The following RGS20 variants were observed in gnomAD, a reference collection of about 807,000 sequenced individuals.
The protein encoded by RGS20 is regulator of G protein signaling 20.
Under a neutral mutation model 33.6 loss-of-function variants are expected in RGS20, and 30 were observed. That is an observed-to-expected ratio of 0.89 (90% CI 0.67 to 1.21). RGS20 has a LOEUF of 1.21. Ranked by LOEUF, RGS20 falls within the 50% of genes most tolerant of loss-of-function variation. RGS20 has a pLI of 0.00. For synonymous variants in RGS20, 208 were observed against 197.9 expected, an observed-to-expected ratio of 1.05 and a Z score of -0.43; for missense variants, 472 against 502.4, an observed-to-expected ratio of 0.94 and a Z score of 0.58.
intron 2 of RGS20, among the ~76,000 whole-genome samples, chr8:53,924,018 T>C (rs1390202264): frequency 6.6e-6 from 1 of 152,010 alleles, no homozygotes; most frequent in Non-Finnish European, 1.5e-5. Context: ...AATTTTAGTT[T>C]GCAAATACTT....
At chr8:53,898,345 A>G (rs1223035525) in intron 2 of RGS20, among the ~76,000 whole-genome samples, 1 of 152,212 alleles carries the variant, frequency 6.6e-6, no homozygotes, top group African/African-American at 2.4e-5. Flanking sequence ...TGTGGCCATT[A>G]GGGAGCACAG....
At chr8:53,869,438 G>A (rs1812004587) in intron 1 of RGS20, among the ~76,000 whole-genome samples, 1 of 152,170 alleles carries the variant, frequency 6.6e-6, no homozygotes, top group South Asian at 2.1e-4. Flanking sequence ...CATTTTGATA[G>A]GCTGAGGTGA....
intron 1 of RGS20, among the ~76,000 whole-genome samples, chr8:53,869,504 T>C (rs1292549157): frequency 3.3e-5 from 5 of 152,000 alleles, no homozygotes; most frequent in Non-Finnish European, 7.4e-5. Flanking sequence ...GGTGAAACCC[T>C]GTCTCTACTA....
At chr8:53,913,554 T>C (rs1314091053) in intron 2 of RGS20, 1 of 152,186 alleles carries the variant, frequency 6.6e-6, no homozygotes, top group East Asian at 1.9e-4. Context: ...CCAAACTGGA[T>C]GAAGGCGGGC....
chr8:53,888,988 G>A (rs946235342), intron 2 of RGS20, among the ~76,000 whole-genome samples: 11 of 152,178 alleles, frequency 7.2e-5, no homozygotes, highest in Admixed American at 6.5e-4. Flanking sequence ...CCAGTGTGGA[G>A]CTATTATGAA....
intron 2 of RGS20, chr8:53,914,003 T>C (rs1290452984): frequency 6.6e-6 from 1 of 152,034 alleles, no homozygotes; most frequent in Admixed American, 6.6e-5. Context: ...TTTTTTCCTC[T>C]TCCTTCTTTT....
chr8:53,896,082 A>C (rs560488441), intron 2 of RGS20, among the ~76,000 whole-genome samples: 2 of 152,150 alleles, frequency 1.3e-5, no homozygotes, highest in South Asian at 4.1e-4. Context: ...GGAGTTTGAA[A>C]CCAGCCTGGG....
At chr8:53,915,463 G>A (rs1441507364) in intron 2 of RGS20, among the ~76,000 whole-genome samples, 1 of 152,080 alleles carries the variant, frequency 6.6e-6, no homozygotes, top group Non-Finnish European at 1.5e-5. Context: ...CTTCAGCTTT[G>A]GTCCCAGTCA....
At chr8:53,941,673 C>T (rs1020373432) in intron 3 of RGS20, among the ~76,000 whole-genome samples, 4 of 152,104 alleles carry the variant, frequency 2.6e-5, no homozygotes, top group Admixed American at 2.6e-4. Context: ...TCCAAAAATA[C>T]ACCCTATAGT....
chr8:53,899,861 A>T (rs555522323), intron 2 of RGS20, among the ~76,000 whole-genome samples: 1 of 152,288 alleles, frequency 6.6e-6, no homozygotes, highest in South Asian at 2.1e-4. Context: ...GCAGGGGAAG[A>T]GTGAGGATCC....
chr8:53,897,514 A>G (rs1812899964), intron 2 of RGS20, among the ~76,000 whole-genome samples: 1 of 152,254 alleles, frequency 6.6e-6, no homozygotes, highest in Non-Finnish European at 1.5e-5. Flanking sequence ...TACTAAGCAT[A>G]CTTTATAATA....
intron 1 of RGS20, among the ~76,000 whole-genome samples, chr8:53,863,836 C>G (rs1158916969): frequency 6.6e-6 from 1 of 150,604 alleles, no homozygotes; most frequent in East Asian, 2.0e-4. Flanking sequence ...AAGCAATTCT[C>G]CTGTCTCAGC....
At chr8:53,918,179 A>C (rs1323931533) in intron 2 of RGS20, among the ~76,000 whole-genome samples, 1 of 152,142 alleles carries the variant, frequency 6.6e-6, no homozygotes, top group Admixed American at 6.5e-5. Flanking sequence ...AATCACCACT[A>C]ATTCCTGAAT....
At chr8:53,934,637 G>A (rs959177825) in intron 2 of RGS20, among the ~76,000 whole-genome samples, 10 of 152,040 alleles carry the variant, frequency 6.6e-5, no homozygotes, top group Admixed American at 2.6e-4. Context: ...ACAAAGAGAC[G>A]TAGACTCCCA....
chr8:53,933,431 G>T (rs1814033576), intron 2 of RGS20, among the ~76,000 whole-genome samples: 2 of 152,126 alleles, frequency 1.3e-5, no homozygotes, highest in African/African-American at 2.4e-5. Flanking sequence ...TGATGTAGCT[G>T]AAAAACACAG....
intron 1 of RGS20, among the ~76,000 whole-genome samples, chr8:53,870,252 G>C (rs1307952223): frequency 6.6e-6 from 1 of 151,896 alleles, no homozygotes; most frequent in African/African-American, 2.4e-5. Flanking sequence ...TGTATACACA[G>C]ATATGTGTGT....
intron 4 of RGS20, 55 bp from the exon 4 acceptor site, chr8:53,954,021 A>G: frequency 1.7e-6 from 2 of 1,184,462 alleles, no homozygotes; most frequent in South Asian, 1.2e-5. Flanking sequence ...GATGAATTCC[A>G]ATTAACTACC....
At position 53,904,499 on chromosome 8, in the gene RGS20, G is replaced by T. The variant is rs911324182; in HGVS notation, c.510+24897G>T. Reference sequence around the variant, plus strand: ...ATTTGGCTGTTTTTTTCTATAATTTGCAATAACTACGCAGAAATTCTCATT... The same window carrying T: ...ATTTGGCTGTTTTTTTCTATAATTTTCAATAACTACGCAGAAATTCTCATT... On this transcript the variant is annotated intron_variant, in intron 2 of 5. Coordinates refer to ENST00000297313, the MANE Select transcript of RGS20 (RefSeq NM_170587.4). Among the ~76,000 whole-genome samples the T allele has an allele frequency of 3.9e-5, 6 of 152,278 alleles. No individual in the cohort carries two copies. The East Asian group carries it at 9.6e-4, about 24-fold the overall frequency.
rs1563404163 is a variant in RGS20 at position 53,924,961 on chromosome 8, T to C, written c.511-14615T>C. Among the ~76,000 whole-genome samples the C allele has an allele frequency of 3.3e-5, 5 of 152,316 alleles. No individual in the cohort carries two copies. The South Asian group carries it at 8.3e-4, about 25-fold the overall frequency. ...TAAGGAAGAGGAGATTCTTCTCAACTTTTAAAGCACTGACTGTAGCTCCAA... is the reference window on the plus strand; with the variant it reads ...TAAGGAAGAGGAGATTCTTCTCAACCTTTAAAGCACTGACTGTAGCTCCAA... On this transcript the variant is annotated intron_variant, in intron 2 of 5. Coordinates refer to ENST00000297313, the MANE Select transcript of RGS20 (RefSeq NM_170587.4).
Sources: gnomAD v4.1 joint callset for allele counts (sites outside exome capture counted in the v4.1 genomes callset) on GRCh38, gnomAD v4.1.1 for gene constraint, MANE v1.5 for transcripts, NCBI Gene and HGNC (gene_info 2026-07-23, HGNC 2026-07-21) for gene names.